Variants in GATAD1 observed in about 807,000 individuals in gnomAD.
The protein encoded by GATAD1 is GATA zinc finger domain containing 1.
A neutral mutation model predicts 26.5 loss-of-function variants in GATAD1; 12 were observed. That is an observed-to-expected ratio of 0.45 (90% CI 0.29 to 0.73). The LOEUF (loss-of-function observed/expected upper bound fraction) is 0.73, where lower values mean the gene tolerates loss of function less well. Ranked by LOEUF, GATAD1 falls within the 30% of genes least tolerant of loss-of-function variation. The probability of loss-of-function intolerance (pLI) is 0.10; values close to 1 mark genes in which losing one functional copy is unlikely to be tolerated. For synonymous variants in GATAD1, 129 were observed against 133.1 expected, an observed-to-expected ratio of 0.97 and a Z score of 0.21; for missense variants, 266 against 342.1, an observed-to-expected ratio of 0.78 and a Z score of 1.75.
At chr7:92,465,947 G>T in the GATAD1 span, among the ~76,000 whole-genome samples, 5 of 152,120 alleles carry the variant, frequency 3.3e-5, no homozygotes, top group African/African-American at 1.2e-4. Context: ...AGGTTGCAGT[G>T]AGCCAAGATC....
chr7:92,453,142 A>G (rs545717808), intron 3 of GATAD1, among the ~76,000 whole-genome samples: 1 of 152,332 alleles, frequency 6.6e-6, no homozygotes, highest in South Asian at 2.1e-4. Flanking sequence ...ATCAGGTGCT[A>G]TGTTACAGTT....
At chr7:92,456,250 C>T (rs913390830) in intron 4 of GATAD1, 122 bp from the exon 5 acceptor site, 2 of 562,468 alleles carry the variant, frequency 3.6e-6, no homozygotes, top group Admixed American at 3.3e-5. Flanking sequence ...ATGCATGTTT[C>T]AAGGGCTAAT....
the GATAD1 span, among the ~76,000 whole-genome samples, chr7:92,466,100 A>T: frequency 6.6e-6 from 1 of 152,220 alleles, no homozygotes; most frequent in African/African-American, 2.4e-5. Flanking sequence ...GAGGTTTATT[A>T]CAAAAAGACT....
chr7:92,491,750 G>A, the GATAD1 span: 1 of 464,922 alleles, frequency 2.2e-6, no homozygotes, highest in Non-Finnish European at 3.9e-6. Flanking sequence ...ATGAAGCTAA[G>A]ACTCAGACCT....
downstream of GATAD1, among the ~76,000 whole-genome samples, chr7:92,463,550 G>T (rs913078519): frequency 1.3e-5 from 2 of 151,972 alleles, no homozygotes; most frequent in African/African-American, 2.4e-5. Flanking sequence ...TGTAGTCCCA[G>T]CTACTCGGGA....
the GATAD1 span, chr7:92,468,996 G>T: frequency 2.6e-6 from 2 of 755,778 alleles, no homozygotes; most frequent in Non-Finnish European, 4.8e-6. Flanking sequence ...GTCCAAAGAG[G>T]AGTAGCAATA....
the GATAD1 span, chr7:92,465,329 G>A: frequency 2.6e-5 from 4 of 152,198 alleles, no homozygotes; most frequent in Non-Finnish European, 5.9e-5. Context: ...TTGAAGAAGA[G>A]GCAATTGGCT....
the GATAD1 span, among the ~76,000 whole-genome samples, chr7:92,475,818 T>G: frequency 6.6e-6 from 1 of 152,194 alleles, no homozygotes; most frequent in African/African-American, 2.4e-5. Flanking sequence ...TCAAGATGCA[T>G]TCCCATAAAC....
In GATAD1 at chr7:92,447,905, G is replaced by C. The variant is rs531449433; in HGVS notation, c.176G>C (p.Gly59Ala). ...GGGACTGGGGGCAGCGGCGGCGGCG[G>C]CTTCGGCGCGGCGACCTTCGCCAGC... ...AGGTGGSGGG[G>A]FGAATFASTS... The change falls in exon 1 of 5, where the codon GGC becomes GCC. Residue 59 changes from glycine (G) to alanine (A), a missense_variant. Gly to Ala is a moderately conservative substitution (Grantham distance 60). Coordinates refer to ENST00000287957, the MANE Select transcript of GATAD1 (RefSeq NM_021167.5). The C allele has an allele frequency of 3.3e-4, 409 of 1,255,810 alleles. 1 individual carries two copies. The African/African-American group carries it at 5.5e-3, about 17-fold the overall frequency. 77.8% of individuals were successfully genotyped at this position (1,255,810 alleles called of 1,614,324 possible). A position where few individuals can be genotyped will look rare whatever the true frequency, so the allele number is the denominator to read the frequency against.
chr7:92,471,548 TC>T, the GATAD1 span: 1 of 152,256 alleles, frequency 6.6e-6, no homozygotes, highest in Non-Finnish European at 1.5e-5. Flanking sequence ...ATTCTGTTTC[TC>T]CTGCTGAGTA....
the GATAD1 span, chr7:92,494,430 CTGATGACA>C: frequency 3.7e-6 from 6 of 1,611,826 alleles, no homozygotes; most frequent in Non-Finnish European, 4.2e-6. Context: ...TTACCAAAAT[CTGATGACA>C]TGATGACATT....
chr7:92,454,342 A>T (rs557622563), intron 3 of GATAD1, 160 bp from the exon 4 acceptor site: 7 of 614,636 alleles, frequency 1.1e-5, no homozygotes, highest in Non-Finnish European at 1.7e-5. Flanking sequence ...ACGTGAAACA[A>T]CTTTAGAATT....
rs534300083 is a variant in GATAD1, at chr7:92,451,699, T to C, written c.435+939T>C. Among the ~76,000 whole-genome samples, 4 of 152,382 alleles carry C rather than the reference T, an allele frequency of 2.6e-5. No homozygotes were observed. In the East Asian group the frequency reaches 7.7e-4, roughly 29 times the overall value. On this transcript the variant is annotated intron_variant, in intron 3 of 4. Transcript: ENST00000287957. ...AAACATCTCTCTTATTTTTCCAACATTTAATACATTGTTAATAAAATATCT... is the reference window on the plus strand; with the variant it reads ...AAACATCTCTCTTATTTTTCCAACACTTAATACATTGTTAATAAAATATCT...
the GATAD1 span, chr7:92,494,017 A>G: frequency 2.6e-6 from 1 of 379,996 alleles, no homozygotes; most frequent in Non-Finnish European, 5.0e-6. Context: ...TGAACAGAAG[A>G]TAATGTGAAA....
the GATAD1 span, among the ~76,000 whole-genome samples, chr7:92,466,319 A>G: frequency 6.6e-6 from 1 of 152,004 alleles, no homozygotes; most frequent in South Asian, 2.1e-4. Flanking sequence ...GTTGTGCACT[A>G]CCATGCCCAG....
downstream of GATAD1, chr7:92,462,895 C>G (rs1485027290): frequency 6.6e-6 from 1 of 152,210 alleles, no homozygotes; most frequent in East Asian, 1.9e-4. Context: ...TTCTCAGCAT[C>G]CAGAACTGTG....
downstream of GATAD1, among the ~76,000 whole-genome samples, chr7:92,463,504 T>TA (rs370275077): frequency 0.013 from 1,858 of 146,482 alleles, 40 homozygotes; most frequent in African/African-American, 0.045. Flanking sequence ...TAAAAACAAA[T>TA]AAAAAAAAAA....
At chr7:92,452,548 A>G (rs1452549267) in intron 3 of GATAD1, among the ~76,000 whole-genome samples, 2 of 151,784 alleles carry the variant, frequency 1.3e-5, no homozygotes, top group African/African-American at 2.4e-5. Context: ...TGGCAGAACA[A>G]CTCCATGAAC....
chr7:92,486,828 A>G, the GATAD1 span, among the ~76,000 whole-genome samples: 6 of 152,222 alleles, frequency 3.9e-5, no homozygotes, highest in Non-Finnish European at 5.9e-5. Context: ...AATTTAGTTC[A>G]TATATGAGAG....
Sources: allele counts gnomAD v4.1 joint callset (sites outside exome capture counted in the v4.1 genomes callset), GRCh38; gene constraint gnomAD v4.1.1; transcripts MANE v1.5; gene names NCBI Gene and HGNC (gene_info 2026-07-23, HGNC 2026-07-21).